Variants in RAD51 observed in about 807,000 individuals in gnomAD.
The protein encoded by RAD51 is DNA repair protein RAD51 homolog 1.
Under a neutral mutation model 41.5 loss-of-function variants are expected in RAD51, and 14 were observed. That is an observed-to-expected ratio of 0.34 (90% CI 0.22 to 0.53). The LOEUF is 0.53. Among genes scored for constraint, RAD51 ranks in the 20% least tolerant of loss-of-function variants. The probability of loss-of-function intolerance (pLI) is 0.95; values close to 1 mark genes in which losing one functional copy is unlikely to be tolerated. For synonymous variants in RAD51, 136 were observed against 148.6 expected (o/e 0.92, Z 0.62); for missense variants, 234 against 422.0 (o/e 0.55, Z 3.90).
chr15:40,715,342 A>G (rs1350399077), intron 5 of RAD51, among the ~76,000 whole-genome samples: 1 of 149,904 alleles, frequency 6.7e-6, no homozygotes, highest in Non-Finnish European at 1.5e-5. Flanking sequence ...GCAACAGAGT[A>G]AGATTCTGTC....
intron 4 of RAD51, among the ~76,000 whole-genome samples, chr15:40,707,262 G>A (rs1895408586): frequency 6.9e-6 from 1 of 144,654 alleles, no homozygotes; most frequent in African/African-American, 2.6e-5. Context: ...CTCCCAAAGT[G>A]CTGGGATTAT....
intron 6 of RAD51, among the ~76,000 whole-genome samples, chr15:40,719,516 A>G (rs1896162443): frequency 6.6e-6 from 1 of 152,214 alleles, no homozygotes. Flanking sequence ...GGCTATACTA[A>G]TATCAGACAA....
At chr15:40,707,967 C>T (rs45454399) in intron 4 of RAD51, among the ~76,000 whole-genome samples, 27 of 150,860 alleles carry the variant, frequency 1.8e-4, no homozygotes, top group Non-Finnish European at 2.7e-4. Context: ...CCATCCACCT[C>T]GGCCTCCCAA....
intron 4 of RAD51, among the ~76,000 whole-genome samples, chr15:40,708,077 G>A (rs1488928299): frequency 2.8e-5 from 4 of 144,636 alleles, no homozygotes; most frequent in African/African-American, 1.0e-4. Context: ...GGAGTGCAGT[G>A]GCATGATCTT....
At chr15:40,697,898 A>T (rs562181553) in intron 1 of RAD51, among the ~76,000 whole-genome samples, 1 of 152,222 alleles carries the variant, frequency 6.6e-6, no homozygotes, top group Non-Finnish European at 1.5e-5. Context: ...GAATGATCAA[A>T]TCAGGGTAAT....
chr15:40,702,462 A>T (rs930113375), intron 3 of RAD51, among the ~76,000 whole-genome samples: 56 of 152,120 alleles, frequency 3.7e-4, no homozygotes, highest in African/African-American at 1.4e-3. Context: ...TTTACTTTTC[A>T]ATATTTTATG....
chr15:40,706,141 T>A, intron 3 of RAD51, 36 bp from the exon 4 acceptor site: 4 of 1,492,684 alleles, frequency 2.7e-6, no homozygotes, highest in Non-Finnish European at 3.7e-6. Context: ...GTAAGGAATA[T>A]TATTTTGTTG....
chr15:40,730,505 G>GA (rs1484660905), intron 9 of RAD51, among the ~76,000 whole-genome samples: 3 of 105,642 alleles, frequency 2.8e-5, no homozygotes, highest in Non-Finnish European at 6.3e-5. Context: ...ACACTGTCTT[G>GA]AAAAAATTTT....
Position 40,728,697 on chromosome 15 carries a change from C to T in RAD51, c.531-14C>T, listed in dbSNP as rs777659449. 1.1e-5 allele frequency: 17 copies of T among 1,607,758 alleles called. No homozygotes were observed. Among genetic ancestry groups the T allele is most frequent in the Non-Finnish European group, 4.3e-6 (5 of 1,174,596 alleles). Reference sequence around the variant, plus strand: ...TCTGTGTGCAGCCTAAAAATGTTCTCTCCTCTCTCATAGGTATGGTCTCTC... The same window carrying T: ...TCTGTGTGCAGCCTAAAAATGTTCTTTCCTCTCTCATAGGTATGGTCTCTC... On this transcript the variant is annotated splice_polypyrimidine_tract_variant and intron_variant, in intron 6 of 9. Coordinates refer to ENST00000267868, the MANE Select transcript of RAD51 (RefSeq NM_002875.5).
rs368095686 is a variant in RAD51, at chr15:40,713,245, C to CTT, written c.435+4145_435+4146dup. Among the ~76,000 whole-genome samples, 847 of 127,114 alleles carry CTT rather than the reference C, an allele frequency of 6.7e-3. 42 individuals are homozygous for CTT. The East Asian group carries it at 0.11, about 17-fold the overall frequency. The allele number at this position is 127,114 out of a possible 152,430, so 83.4% of individuals were successfully genotyped here. A position where few individuals can be genotyped will look rare whatever the true frequency, so the allele number is the denominator to read the frequency against. On this transcript the variant is annotated intron_variant, in intron 5 of 9. Coordinates refer to ENST00000267868, the MANE Select transcript of RAD51 (RefSeq NM_002875.5). The stretch of plus-strand genomic sequence containing the variant: ...ATAGCCTCCCATTTTTCTTATTTTC[C>CTT]TTTTTTTTTTTTTTTTTATTTGAGA...
intron 2 of RAD51, among the ~76,000 whole-genome samples, chr15:40,700,221 G>T (rs2141817349): frequency 6.6e-6 from 1 of 152,162 alleles, no homozygotes; most frequent in East Asian, 1.9e-4. Flanking sequence ...GGTTTTGGTG[G>T]CTAATGAAAC....
chr15:40,705,415 T>C (rs1895269471), intron 3 of RAD51, among the ~76,000 whole-genome samples: 1 of 152,124 alleles, frequency 6.6e-6, no homozygotes, highest in Non-Finnish European at 1.5e-5. Context: ...AAGGTACAGC[T>C]GATAGAGGTG....
intron 3 of RAD51, among the ~76,000 whole-genome samples, chr15:40,703,687 G>T (rs1353917834): frequency 1.3e-5 from 2 of 151,786 alleles, no homozygotes; most frequent in African/African-American, 4.8e-5. Flanking sequence ...TTTCATTCTT[G>T]ATTTTAGTAA....
At chr15:40,713,267 G>C (rs1485812979) in intron 5 of RAD51, among the ~76,000 whole-genome samples, 1 of 73,252 alleles carries the variant, frequency 1.4e-5, no homozygotes, top group Non-Finnish European at 2.8e-5. Flanking sequence ...TTTTTTATTT[G>C]AGACGGAGTC....
chr15:40,718,764 A>C (rs774748401), intron 5 of RAD51, 41 bp from the exon 6 acceptor site: 13 of 1,505,788 alleles, frequency 8.6e-6, no homozygotes, highest in Non-Finnish European at 1.1e-5. Flanking sequence ...CTGTATCAGA[A>C]ATACAATGTT....
intron 1 of RAD51, among the ~76,000 whole-genome samples, 200 bp from the exon 2 acceptor site, chr15:40,698,557 T>C (rs1894795825): frequency 6.6e-6 from 1 of 152,128 alleles, no homozygotes. Context: ...ATTTATAATG[T>C]ATAATGGGGT....
At chr15:40,728,007 C>T (rs1399279629) in intron 6 of RAD51, among the ~76,000 whole-genome samples, 2 of 151,958 alleles carry the variant, frequency 1.3e-5, no homozygotes, top group African/African-American at 2.4e-5. Context: ...TTACAGGTGC[C>T]TGCCACCACG....
At chr15:40,721,176 CTA>C (rs1214745663) in intron 6 of RAD51, among the ~76,000 whole-genome samples, 1 of 152,138 alleles carries the variant, frequency 6.6e-6, no homozygotes, top group African/African-American at 2.4e-5. Context: ...AAGCGAGACT[CTA>C]TCTCAAGAAA....
At chr15:40,726,681 G>A (rs1407196845) in intron 6 of RAD51, among the ~76,000 whole-genome samples, 3 of 151,770 alleles carry the variant, frequency 2.0e-5, no homozygotes, top group African/African-American at 2.4e-5. Flanking sequence ...TTGGGAGGCC[G>A]AGGCGGGTGG....
Sources: allele counts gnomAD v4.1 joint callset (sites outside exome capture counted in the v4.1 genomes callset), GRCh38; gene constraint gnomAD v4.1.1; transcripts MANE v1.5; gene names NCBI Gene and HGNC (gene_info 2026-07-23, HGNC 2026-07-21).